Variants in CNBD1 observed in about 807,000 individuals in gnomAD.
CNBD1 encodes the protein cyclic nucleotide-binding domain-containing protein 1.
In CNBD1, 71 loss-of-function variants were observed where a neutral mutation model predicts 54.4. The observed-to-expected ratio is 1.30, with a 90% CI of 1.08 to 1.59. CNBD1 has a LOEUF of 1.59. CNBD1 is among the 40% of genes most tolerant of loss of function. The probability of loss-of-function intolerance (pLI) is 0.00; values close to 1 mark genes in which losing one functional copy is unlikely to be tolerated. For synonymous variants in CNBD1, 182 were observed against 170.7 expected, an observed-to-expected ratio of 1.07 and a Z score of -0.51; for missense variants, 659 against 518.0, an observed-to-expected ratio of 1.27 and a Z score of -2.64.
intron 10 of CNBD1, 163 bp downstream of exon 10, chr8:87,353,949 G>T: frequency 2.0e-6 from 1 of 503,062 alleles, no homozygotes; most frequent in South Asian, 3.3e-5. Flanking sequence ...TTTCTCTCTT[G>T]GTGAATTTTG....
At chr8:87,381,267 G>T (rs1811066988) in intron 10 of CNBD1, among the ~76,000 whole-genome samples, 2 of 152,016 alleles carry the variant, frequency 1.3e-5, no homozygotes, top group South Asian at 2.1e-4. Flanking sequence ...CAAATGGCCA[G>T]CATGTGTATT....
At chr8:87,280,816 A>G (rs919879514) in intron 6 of CNBD1, among the ~76,000 whole-genome samples, 2 of 151,610 alleles carry the variant, frequency 1.3e-5, no homozygotes, top group African/African-American at 4.8e-5. Flanking sequence ...GAAAAAAAGC[A>G]TGAGAATACA....
intron 2 of CNBD1, among the ~76,000 whole-genome samples, chr8:87,410,122 G>T (rs143233438): frequency 9.2e-5 from 14 of 152,170 alleles, no homozygotes; most frequent in African/African-American, 3.4e-4. Context: ...ATGGTTCACT[G>T]AATATTTTAA....
chr8:87,144,857 T>C (rs1014718472), intron 4 of CNBD1, among the ~76,000 whole-genome samples: 16 of 145,882 alleles, frequency 1.1e-4, no homozygotes, highest in African/African-American at 3.3e-4. Context: ...GTGAAAAAGA[T>C]AGATAAAGTT....
At chr8:86,965,650 C>A (rs557609470) in intron 4 of CNBD1, among the ~76,000 whole-genome samples, 2 of 152,060 alleles carry the variant, frequency 1.3e-5, no homozygotes, top group Non-Finnish European at 2.9e-5. Context: ...CAAAATGTTA[C>A]GGGATCTTTG....
chr8:87,101,887 A>C (rs1310222913), intron 4 of CNBD1, among the ~76,000 whole-genome samples: 1 of 150,168 alleles, frequency 6.7e-6, no homozygotes, highest in Non-Finnish European at 1.5e-5. Context: ...CAGTAGATTT[A>C]ATTTTTTTTT....
At chr8:87,379,805 TAAGG>T (rs1029905392) in intron 10 of CNBD1, among the ~76,000 whole-genome samples, 1 of 151,862 alleles carries the variant, frequency 6.6e-6, no homozygotes, top group Non-Finnish European at 1.5e-5. Context: ...AAAAATGAAA[TAAGG>T]AAGTTGAAGT....
intron 6 of CNBD1, among the ~76,000 whole-genome samples, chr8:87,270,433 G>T (rs1188684669): frequency 2.0e-5 from 3 of 152,032 alleles, no homozygotes; most frequent in African/African-American, 7.2e-5. Flanking sequence ...ACGCCAGTCA[G>T]AATAGCTATT....
chr8:87,378,654 T>C (rs1376215468), intron 10 of CNBD1, among the ~76,000 whole-genome samples: 1 of 149,956 alleles, frequency 6.7e-6, no homozygotes, highest in Non-Finnish European at 1.5e-5. Context: ...TTTGGTTCCA[T>C]ATGAACTTTA....
intron 2 of CNBD1, among the ~76,000 whole-genome samples, chr8:87,415,118 A>T (rs1314200295): frequency 6.6e-6 from 1 of 152,070 alleles, no homozygotes; most frequent in Admixed American, 6.6e-5. Context: ...GTATCCCCAA[A>T]GGTGCTTTAC....
At chr8:87,330,162 A>G (rs1345705977) in intron 8 of CNBD1, among the ~76,000 whole-genome samples, 1 of 150,182 alleles carries the variant, frequency 6.7e-6, no homozygotes, top group Non-Finnish European at 1.5e-5. Context: ...TTATTTTTTT[A>G]ATGTTCATAA....
chr8:86,991,801 G>C (rs757099145), intron 4 of CNBD1, among the ~76,000 whole-genome samples: 3 of 152,028 alleles, frequency 2.0e-5, no homozygotes, highest in African/African-American at 4.8e-5. Context: ...AAATGTTCAA[G>C]TTCCATGTAT....
chr8:86,869,103 G>A (rs570684466), intron 1 of CNBD1, among the ~76,000 whole-genome samples: 5 of 152,316 alleles, frequency 3.3e-5, no homozygotes, highest in Non-Finnish European at 7.4e-5. Flanking sequence ...TTGCAGTCCT[G>A]CTGATGTGAT....
intron 8 of CNBD1, among the ~76,000 whole-genome samples, chr8:87,336,091 G>A (rs1447003359): frequency 6.6e-6 from 1 of 152,096 alleles, no homozygotes; most frequent in Non-Finnish European, 1.5e-5. Flanking sequence ...CCTTCCCTTT[G>A]TAGGTGACCT....
intron 5 of CNBD1, among the ~76,000 whole-genome samples, chr8:87,224,696 T>C (rs549729323): frequency 3.3e-5 from 5 of 151,894 alleles, no homozygotes; most frequent in African/African-American, 1.2e-4. Flanking sequence ...AGCTTTGTTC[T>C]TTTGGCTCAG....
intron 2 of CNBD1, among the ~76,000 whole-genome samples, chr8:87,390,631 G>A (rs140805156): frequency 0.099 from 14,998 of 152,084 alleles, 744 homozygotes; most frequent in African/African-American, 0.11. Flanking sequence ...GAACACTTTT[G>A]CACTGTTGGT....
At chr8:87,188,291 C>G (rs1263706718) in intron 4 of CNBD1, among the ~76,000 whole-genome samples, 1 of 152,156 alleles carries the variant, frequency 6.6e-6, no homozygotes, top group Non-Finnish European at 1.5e-5. Flanking sequence ...CTTTCACATG[C>G]ATAAGTTGTG....
At chr8:87,330,134 G>T (rs1490559539) in intron 8 of CNBD1, among the ~76,000 whole-genome samples, 1 of 151,024 alleles carries the variant, frequency 6.6e-6, no homozygotes, top group African/African-American at 2.4e-5. Flanking sequence ...GGCATAATTA[G>T]TCATAGTATC....
chr8:87,357,655 A>G (rs1810447614), intron 10 of CNBD1, among the ~76,000 whole-genome samples: 1 of 152,268 alleles, frequency 6.6e-6, no homozygotes. Flanking sequence ...AGGTGGAAAG[A>G]ATGTGTCTTG....
Sources: gnomAD v4.1 joint callset for allele counts (sites outside exome capture counted in the v4.1 genomes callset) on GRCh38, gnomAD v4.1.1 for gene constraint, MANE v1.5 for transcripts, NCBI Gene and HGNC (gene_info 2026-07-23, HGNC 2026-07-21) for gene names.